Variants in KIF4A observed in about 807,000 individuals in gnomAD.
KIF4A encodes kinesin family member 4A.
A neutral mutation model predicts 105.9 loss-of-function variants in KIF4A; 7 were observed. The observed-to-expected ratio is 0.07, with a 90% CI of 0.04 to 0.12. KIF4A has a LOEUF of 0.12. Among genes scored for constraint, KIF4A ranks in the 10% least tolerant of loss-of-function variants. The pLI is 1.00. For missense variants in KIF4A, 558 were observed against 929.2 expected, an observed-to-expected ratio of 0.60 and a Z score of 5.19; for synonymous variants, 281 against 331.3, an observed-to-expected ratio of 0.85 and a Z score of 1.65.
intron 6 of KIF4A, 45 bp from the exon 7 acceptor site, chrX:70,302,259 A>G: frequency 8.4e-7 from 1 of 1,185,648 alleles, no homozygotes; most frequent in Non-Finnish European, 1.1e-6. Flanking sequence ...AGTTACTCTC[A>G]AGCTTGTGTA....
intron 20 of KIF4A, among the ~76,000 whole-genome samples, chrX:70,394,663 T>C (rs1602800771): frequency 8.9e-6 from 1 of 112,491 alleles, no homozygotes; most frequent in East Asian, 2.8e-4. Context: ...TTTCCTTTTT[T>C]GGATCAGTTG....
At chrX:70,300,548 C>T (rs906524501) in intron 5 of KIF4A, among the ~76,000 whole-genome samples, 2 of 111,557 alleles carry the variant, frequency 1.8e-5, no homozygotes, top group South Asian at 3.8e-4. Context: ...AGAAAATATA[C>T]ACCTGAGGGT....
chrX:70,392,854 TA>T (rs2086242663), intron 20 of KIF4A, among the ~76,000 whole-genome samples: 2 of 105,698 alleles, frequency 1.9e-5, no homozygotes, highest in African/African-American at 3.4e-5. Flanking sequence ...ATAATAATAA[TA>T]ATAATTATTA....
chrX:70,379,328 A>G (rs2147725194), intron 18 of KIF4A, among the ~76,000 whole-genome samples: 1 of 111,853 alleles, frequency 8.9e-6, no homozygotes. Flanking sequence ...GATTAAGTAG[A>G]CAAATGCCTG....
chrX:70,295,454 G>A (rs914316409), intron 3 of KIF4A, among the ~76,000 whole-genome samples: 19 of 109,753 alleles, frequency 1.7e-4, no homozygotes, highest in Non-Finnish European at 2.7e-4. Flanking sequence ...GATTGCAGGC[G>A]TGAGCCACCA....
chrX:70,377,875 A>G (rs777570610), intron 18 of KIF4A, among the ~76,000 whole-genome samples: 71 of 112,693 alleles, frequency 6.3e-4, no homozygotes, highest in Non-Finnish European at 1.0e-3. Flanking sequence ...TGGAGGTTGC[A>G]GTGAGCTGAG....
chrX:70,420,155 G>A lies in KIF4A; in HGVS notation c.3589G>A (p.Ala1197Thr), dbSNP rs775733399. ...PFDLPELKHV[A>T]TEYQENKAPG... is the part of the protein sequence containing the mutation. The stretch of plus-strand genomic sequence containing the variant: ...TGACCTCCCAGAGTTGAAACATGTA[G>A]CAACAGAATACCAAGAAAACAAGGC... Residue 1197 changes from alanine to threonine, a missense_variant, in exon 31 of 31, where the codon GCA (alanine) becomes ACA (threonine). Physicochemically the swap from Ala to Thr is moderately conservative, Grantham distance 58. Around this residue, in one of 2 missense-constraint regions of KIF4A, gnomAD observed 469 missense variants for 680.4 expected, o/e 0.69. Transcript: ENST00000374403. The A allele has an allele frequency of 2.2e-5, 27 of 1,208,845 alleles. No individual in the cohort carries two copies. The highest frequency in any genetic ancestry group is 3.0e-5 in the Non-Finnish European group (27 of 894,909).
At chrX:70,398,014 G>A (rs1479159399) in intron 22 of KIF4A, among the ~76,000 whole-genome samples, 2 of 111,027 alleles carry the variant, frequency 1.8e-5, no homozygotes, top group African/African-American at 6.6e-5. Flanking sequence ...CAGGGCTGGG[G>A]TTTTTGTTTG....
At chrX:70,372,062 C>T (rs1390354048) in intron 15 of KIF4A, among the ~76,000 whole-genome samples, 14 of 107,992 alleles carry the variant, frequency 1.3e-4, no homozygotes, top group African/African-American at 4.7e-4. Flanking sequence ...CAGGCAGAGA[C>T]GCTCCTCACT....
rs1321806036 is a variant in KIF4A, at chrX:70,371,608, A to AC, written c.1675-2536dup. 7.6e-5 allele frequency among the ~76,000 whole-genome samples: 7 copies of AC among 92,667 alleles called. No individual in the cohort carries two copies. In the East Asian group the frequency reaches 1.1e-3, roughly 14 times the overall value. 80.5% of individuals were successfully genotyped at this position (92,667 alleles called of 115,157 possible). On this transcript the variant is annotated intron_variant, in intron 15 of 30. Coordinates refer to ENST00000374403, the MANE Select transcript of KIF4A (RefSeq NM_012310.5). Reference sequence around the variant, plus strand: ...GGGCAGCTGGCCGGGCGGGGGGCTGACCCCCCCACCTCCCTCCCGGATGGG... The same window carrying AC: ...GGGCAGCTGGCCGGGCGGGGGGCTGACCCCCCCCACCTCCCTCCCGGATGGG...
At chrX:70,365,253 T>G (rs185461825) in intron 15 of KIF4A, among the ~76,000 whole-genome samples, 158 of 111,737 alleles carry the variant, frequency 1.4e-3, no homozygotes, top group African/African-American at 4.8e-3. Flanking sequence ...CTGTCTGATT[T>G]CCCTGGCCAG....
chrX:70,331,190 A>G lies in KIF4A; in HGVS notation c.1071+858A>G, dbSNP rs146276072. Among the ~76,000 whole-genome samples, 368 of 111,348 alleles carry G rather than the reference A, an allele frequency of 3.3e-3. 2 individuals carry two copies. The highest frequency in any genetic ancestry group is 0.023 in the South Asian group (61 of 2,604). On this transcript the variant is annotated intron_variant, in intron 9 of 30. Transcript: ENST00000374403. ...TTCTTAGGGTTTTTGTGAGGGTTAA[A>G]TGAGTTAATACATGTAAAGCACTTA...
intron 7 of KIF4A, among the ~76,000 whole-genome samples, chrX:70,319,992 G>T (rs1450654989): frequency 9.0e-6 from 1 of 111,323 alleles, no homozygotes; most frequent in African/African-American, 3.3e-5. Flanking sequence ...CCTCTCTGTG[G>T]CATTAACACT....
At chrX:70,358,000 T>G (rs1338221142) in intron 15 of KIF4A, among the ~76,000 whole-genome samples, 1 of 111,314 alleles carries the variant, frequency 9.0e-6, no homozygotes, top group East Asian at 2.8e-4. Context: ...AGCCTCAACT[T>G]CCTGGGCTCA....
At position 70,332,176 on chromosome X, in the gene KIF4A, G is replaced by A. The variant is rs1248822988; in HGVS notation, c.1072-1452G>A. 2.7e-5 allele frequency among the ~76,000 whole-genome samples: 3 copies of A among 111,961 alleles called. No individual in the cohort carries two copies. In the East Asian group the frequency reaches 8.3e-4, roughly 31 times the overall value. ...CCAGTTTCAGGTAATAGAAACCAGA[G>A]GCAGAGATGAGACATTCAGAAGAGA... On this transcript the variant is annotated intron_variant, in intron 9 of 30. Coordinates refer to ENST00000374403, the MANE Select transcript of KIF4A (RefSeq NM_012310.5).
chrX:70,419,536 C>T, intron 29 of KIF4A, 125 bp from the exon 30 acceptor site: 1 of 842,515 alleles, frequency 1.2e-6, no homozygotes, highest in South Asian at 2.2e-5. Context: ...CAGGGCCTCC[C>T]TAAGACTTGC....
chrX:70,397,435 A>T (rs902931609), intron 22 of KIF4A, among the ~76,000 whole-genome samples: 2 of 111,813 alleles, frequency 1.8e-5, no homozygotes, highest in African/African-American at 6.5e-5. Context: ...AGAGAAAAGA[A>T]AGAAAAGAAA....
chrX:70,347,966 C>T (rs1237119288), intron 13 of KIF4A, among the ~76,000 whole-genome samples: 2 of 6,532 alleles, frequency 3.1e-4, no homozygotes, highest in Non-Finnish European at 4.9e-4. Flanking sequence ...CAGAGCGAGA[C>T]TCCGTCTCAA....
chrX:70,371,360 C>T (rs2086131761), intron 15 of KIF4A, among the ~76,000 whole-genome samples: 1 of 110,236 alleles, frequency 9.1e-6, no homozygotes, highest in Non-Finnish European at 1.9e-5. Flanking sequence ...AATGAAAAGT[C>T]TCCCATGTCT....
Sources: allele counts gnomAD v4.1 joint callset (sites outside exome capture counted in the v4.1 genomes callset), GRCh38; gene constraint gnomAD v4.1.1; regional missense constraint gnomAD v4.1.1; transcripts MANE v1.5; gene names NCBI Gene and HGNC (gene_info 2026-07-23, HGNC 2026-07-21).